SNX18: variants seen among roughly 807,000 people sequenced by gnomAD.
The protein encoded by SNX18 is sorting nexin 18.
A neutral mutation model predicts 48.7 loss-of-function variants in SNX18; 35 were observed. The ratio of observed to expected loss-of-function variants is 0.72; its 90% confidence interval spans 0.55 to 0.95. The LOEUF is 0.95. Ranked by LOEUF, SNX18 falls within the 40% of genes least tolerant of loss-of-function variation. SNX18 has a pLI of 0.00. For missense variants in SNX18, 824 were observed against 871.0 expected (o/e 0.95, Z 0.68); for synonymous variants, 492 against 384.7 (o/e 1.28, Z -3.26).
chr5:54,604,898 C>T, the SNX18 span, among the ~76,000 whole-genome samples: 6 of 151,974 alleles, frequency 3.9e-5, no homozygotes, highest in African/African-American at 1.2e-4. Context: ...GTGTCATCCA[C>T]GCTGAGATCT....
chr5:54,591,454 G>T, the SNX18 span, among the ~76,000 whole-genome samples: 1 of 152,202 alleles, frequency 6.6e-6, no homozygotes, highest in Non-Finnish European at 1.5e-5. Context: ...GCCTCCCAAA[G>T]TGCTGGGATT....
At chr5:54,589,726 C>T in the SNX18 span, among the ~76,000 whole-genome samples, 9 of 152,336 alleles carry the variant, frequency 5.9e-5, no homozygotes, top group Admixed American at 5.2e-4. Context: ...ATTACTTCTA[C>T]TGGCCAGAGG....
chr5:54,547,624 G>A (rs1762595735), downstream of SNX18, among the ~76,000 whole-genome samples: 1 of 152,148 alleles, frequency 6.6e-6, no homozygotes, highest in Non-Finnish European at 1.5e-5. Context: ...GCTATGTCTG[G>A]TCTCTCAACA....
At chr5:54,613,439 C>G in the SNX18 span, among the ~76,000 whole-genome samples, 5 of 152,116 alleles carry the variant, frequency 3.3e-5, no homozygotes, top group Non-Finnish European at 5.9e-5. Flanking sequence ...ATCCGGAAGC[C>G]ACTCCTGCAA....
the SNX18 span, among the ~76,000 whole-genome samples, chr5:54,610,290 A>C: frequency 6.6e-6 from 1 of 152,182 alleles, no homozygotes; most frequent in African/African-American, 2.4e-5. Flanking sequence ...GCTTCAGTCT[A>C]ATGTGTGTAT....
At chr5:54,639,978 G>T in the SNX18 span, among the ~76,000 whole-genome samples, 1 of 152,188 alleles carries the variant, frequency 6.6e-6, no homozygotes, top group African/African-American at 2.4e-5. Flanking sequence ...GCACTCCATT[G>T]TAAGGATTCT....
the SNX18 span, chr5:54,644,475 T>G: frequency 2.0e-5 from 3 of 152,244 alleles, no homozygotes; most frequent in Admixed American, 6.5e-5. Flanking sequence ...TAGTAGAGAT[T>G]GCTGGCATCT....
chr5:54,525,786 G>C (rs940215761), intron 1 of SNX18, among the ~76,000 whole-genome samples: 1 of 152,104 alleles, frequency 6.6e-6, no homozygotes, highest in Admixed American at 6.6e-5. Flanking sequence ...AAAAATAAGA[G>C]TAGTCTTAAG....
chr5:54,553,714 A>G, the SNX18 span, among the ~76,000 whole-genome samples: 5 of 152,304 alleles, frequency 3.3e-5, no homozygotes, highest in East Asian at 3.9e-4. Flanking sequence ...CTGGGTGCAC[A>G]CATCTGTATG....
At chr5:54,527,364 G>GA (rs1264601571) in intron 1 of SNX18, among the ~76,000 whole-genome samples, 1 of 151,420 alleles carries the variant, frequency 6.6e-6, no homozygotes, top group South Asian at 2.1e-4. Flanking sequence ...GAGCCGGGGG[G>GA]GGGGGTCCCC....
the SNX18 span, among the ~76,000 whole-genome samples, chr5:54,598,359 AG>A: frequency 6.6e-6 from 1 of 152,212 alleles, no homozygotes; most frequent in East Asian, 1.9e-4. Flanking sequence ...ACAATTGAAA[AG>A]GAGGGACTCC....
chr5:54,521,848 G>A (rs539869179), intron 1 of SNX18, among the ~76,000 whole-genome samples: 6 of 152,208 alleles, frequency 3.9e-5, no homozygotes, highest in Admixed American at 2.0e-4. Flanking sequence ...GATTACAAGC[G>A]TGAACCACCA....
the SNX18 span, among the ~76,000 whole-genome samples, chr5:54,570,793 T>C: frequency 6.6e-6 from 1 of 152,200 alleles, no homozygotes; most frequent in East Asian, 1.9e-4. Flanking sequence ...GAGTCTTGGC[T>C]CTTCTGGAAA....
chr5:54,631,566 G>A, the SNX18 span, among the ~76,000 whole-genome samples: 11 of 152,166 alleles, frequency 7.2e-5, no homozygotes, highest in Non-Finnish European at 1.2e-4. Flanking sequence ...AGCATCTACT[G>A]TATGTAGGCC....
At chr5:54,608,759 G>A in the SNX18 span, among the ~76,000 whole-genome samples, 1 of 152,192 alleles carries the variant, frequency 6.6e-6, no homozygotes, top group African/African-American at 2.4e-5. Flanking sequence ...ATATTCAAGT[G>A]TGCATCACTT....
chr5:54,538,260 G>A (rs566274599), intron 1 of SNX18, among the ~76,000 whole-genome samples: 2 of 152,176 alleles, frequency 1.3e-5, no homozygotes, highest in African/African-American at 4.8e-5. Flanking sequence ...TGTTTCTATT[G>A]GAAAAATATG....
chr5:54,541,008 T>C (rs1026688382), intron 1 of SNX18, among the ~76,000 whole-genome samples: 1 of 152,186 alleles, frequency 6.6e-6, no homozygotes. Context: ...TGTTACACTT[T>C]CCTGGTCTTT....
In SNX18 at chr5:54,518,939, C is replaced by T. The variant is rs774218705; in HGVS notation, c.987C>T (p.Val329=). 7.4e-6 allele frequency: 12 copies of T among 1,613,714 alleles called. No individual in the cohort carries two copies. Among genetic ancestry groups the T allele is most frequent in the Non-Finnish European group, 9.3e-6 (11 of 1,180,052 alleles). The part of the protein sequence containing the change: ...LYARLAEKFP[V]ISVPHLPEKQ... ...CGCGCCTGGCGGAGAAGTTCCCGGT[C>T]ATCTCCGTGCCCCACCTGCCCGAGA... Residue 329 remains valine, a synonymous_variant, in exon 1 of 2, where the codon GTC becomes GTT. Transcript: ENST00000381410.
At chr5:54,576,643 C>A in the SNX18 span, among the ~76,000 whole-genome samples, 1 of 152,176 alleles carries the variant, frequency 6.6e-6, no homozygotes, top group Admixed American at 6.5e-5. Flanking sequence ...CTGTCCTCAC[C>A]CACTTTATTA....
Sources: gnomAD v4.1 joint callset for allele counts (sites outside exome capture counted in the v4.1 genomes callset) on GRCh38, gnomAD v4.1.1 for gene constraint, MANE v1.5 for transcripts, NCBI Gene and HGNC (gene_info 2026-07-23, HGNC 2026-07-21) for gene names.